The following CIT variants were observed in gnomAD, a reference collection of about 807,000 sequenced individuals.
CIT encodes the protein citron Rho-interacting kinase.
CIT carries 79 observed loss-of-function variants against 272.7 expected under a neutral mutation model. The observed-to-expected ratio is 0.29, with a 90% CI of 0.24 to 0.35. The LOEUF (loss-of-function observed/expected upper bound fraction) is 0.35, where lower values mean the gene tolerates loss of function less well. Ranked by LOEUF, CIT falls within the 10% of genes least tolerant of loss-of-function variation. The probability of loss-of-function intolerance (pLI) is 1.00; values close to 1 mark genes in which losing one functional copy is unlikely to be tolerated. For missense variants in CIT, 1,909 were observed against 2,618.3 expected, an observed-to-expected ratio of 0.73 and a Z score of 5.91; for synonymous variants, 948 against 995.6, an observed-to-expected ratio of 0.95 and a Z score of 0.90.
intron 24 of CIT, among the ~76,000 whole-genome samples, chr12:119,740,045 A>T (rs1224810227): frequency 6.6e-6 from 1 of 152,244 alleles, no homozygotes; most frequent in African/African-American, 2.4e-5. Context: ...TCTGAACTCT[A>T]TCTGATTCCA....
intron 17 of CIT, 122 bp from the exon 18 acceptor site, chr12:119,771,032 C>T (rs768956730): frequency 2.9e-4 from 330 of 1,133,766 alleles, no homozygotes; most frequent in Non-Finnish European, 4.0e-4. Flanking sequence ...GTCTCAGGCA[C>T]CCGAAGCAAC....
At chr12:119,749,063 G>A (rs1795324169) in intron 23 of CIT, among the ~76,000 whole-genome samples, 1 of 152,216 alleles carries the variant, frequency 6.6e-6, no homozygotes, top group East Asian at 1.9e-4. Flanking sequence ...TGAAAGTGGA[G>A]AAGAGGCAAG....
intron 7 of CIT, among the ~76,000 whole-genome samples, chr12:119,829,344 A>G (rs10523316): frequency 1.3e-4 from 17 of 133,340 alleles, no homozygotes; most frequent in African/African-American, 2.8e-4. Flanking sequence ...CTTGAAAGAA[A>G]AGAAGAGAAG....
chr12:119,715,248 C>T (rs907370342), intron 32 of CIT, among the ~76,000 whole-genome samples: 1 of 152,140 alleles, frequency 6.6e-6, no homozygotes, highest in Non-Finnish European at 1.5e-5. Context: ...ATAAATTACC[C>T]AGTCTTGGGC....
chr12:119,691,338 A>G (rs1955935160), intron 46 of CIT, among the ~76,000 whole-genome samples: 1 of 152,182 alleles, frequency 6.6e-6, no homozygotes, highest in Non-Finnish European at 1.5e-5. Flanking sequence ...CCTCAGTGCA[A>G]GGAAGCAGTT....
At position 119,714,328 on chromosome 12, in the gene CIT, C is replaced by G. The variant is rs778662725; in HGVS notation, c.4175G>C (p.Ser1392Thr). 1 of 1,613,840 alleles carries G rather than the reference C, an allele frequency of 6.2e-7. No individual in the cohort carries two copies. Among genetic ancestry groups the G allele is most frequent in the South Asian group, 1.1e-5 (1 of 91,020 alleles). ...GTGCATGCGTTCCTTAAGACGCCGACTAAATTCTGGAGGAAAATGTTTTAA... is the reference window on the plus strand; with the variant it reads ...GTGCATGCGTTCCTTAAGACGCCGAGTAAATTCTGGAGGAAAATGTTTTAA... ...RKESSTPEEFSRRLKERMHHN... is the reference protein window; with the variant it reads ...RKESSTPEEFTRRLKERMHHN... The change falls in exon 33 of 48, where the codon AGT (serine) becomes ACT (threonine). Residue 1392 changes from serine to threonine, a missense_variant. This residue lies in a region of CIT where 780 missense variants were observed against 1,067.2 expected (regional missense o/e 0.73). Coordinates refer to ENST00000392521, the MANE Select transcript of CIT (RefSeq NM_001206999.2).
At chr12:119,830,919 T>A (rs369686260) in intron 7 of CIT, among the ~76,000 whole-genome samples, 1 of 152,242 alleles carries the variant, frequency 6.6e-6, no homozygotes, top group East Asian at 1.9e-4. Flanking sequence ...CAGGCTGGAA[T>A]GCAATGGTGC....
At chr12:119,771,044 G>T in intron 17 of CIT, 134 bp from the exon 18 acceptor site, 2 of 1,015,874 alleles carry the variant, frequency 2.0e-6, no homozygotes, top group Non-Finnish European at 2.9e-6. Flanking sequence ...CGAAGCAACA[G>T]CAGAGAAAAT....
In CIT at chr12:119,784,277, C is replaced by T. The variant is rs1396189730; in HGVS notation, c.1402-226G>A. The T allele has an allele frequency of 5.1e-6, 8 of 1,561,038 alleles. No homozygotes were observed. In the Admixed American group the frequency reaches 1.2e-4, roughly 23 times the overall value. On this transcript the variant is annotated intron_variant, in intron 11 of 47. Coordinates refer to ENST00000392521, the MANE Select transcript of CIT (RefSeq NM_001206999.2). This position sits in a 1 kb window ranked among gnomAD's most constrained non-coding sequence, Gnocchi z 4.7. ...CTCCTCTCATTCAAGTCCCGGTTCACACTTGATCACTTCTCTAACCCAGTT... is the reference window on the plus strand; with the variant it reads ...CTCCTCTCATTCAAGTCCCGGTTCATACTTGATCACTTCTCTAACCCAGTT...
At chr12:119,700,034 G>A (rs1956467403) in intron 44 of CIT, 1 of 404,242 alleles carries the variant, frequency 2.5e-6, no homozygotes, top group East Asian at 7.2e-5. Flanking sequence ...TCGTAGTGTT[G>A]TTTACACTTA....
chr12:119,851,633 T>C (rs1970227182), intron 4 of CIT, among the ~76,000 whole-genome samples: 1 of 152,208 alleles, frequency 6.6e-6, no homozygotes, highest in African/African-American at 2.4e-5. Context: ...AGTATAAAAC[T>C]AGTGACAGAA....
chr12:119,863,566 T>G (rs1206115424), intron 3 of CIT, among the ~76,000 whole-genome samples: 1 of 152,060 alleles, frequency 6.6e-6, no homozygotes, highest in Non-Finnish European at 1.5e-5. Context: ...CTTACTCTGT[T>G]GCCAGGCTGG....
intron 4 of CIT, among the ~76,000 whole-genome samples, chr12:119,854,455 T>C (rs972666790): frequency 8.0e-5 from 12 of 150,506 alleles, no homozygotes; most frequent in African/African-American, 2.7e-4. Context: ...CTGGCCAACA[T>C]GGCAAAACCC....
At chr12:119,870,463 T>C (rs1594014995) in intron 2 of CIT, among the ~76,000 whole-genome samples, 1 of 147,186 alleles carries the variant, frequency 6.8e-6, no homozygotes, top group East Asian at 2.1e-4. Flanking sequence ...GGCATGAGAA[T>C]TGCCTGCACC....
At chr12:119,843,292 T>C (rs1486189451) in intron 5 of CIT, among the ~76,000 whole-genome samples, 1 of 152,128 alleles carries the variant, frequency 6.6e-6, no homozygotes, top group East Asian at 1.9e-4. Context: ...GCAGGGAGTC[T>C]TGAAGGGTTT....
intron 24 of CIT, among the ~76,000 whole-genome samples, chr12:119,738,286 C>T (rs1370512205): frequency 1.3e-5 from 2 of 152,020 alleles, no homozygotes; most frequent in Admixed American, 6.6e-5. Context: ...ATATATTGAC[C>T]ATTCAGGACA....
At chr12:119,831,762 G>A (rs543974176) in intron 7 of CIT, among the ~76,000 whole-genome samples, 2 of 152,204 alleles carry the variant, frequency 1.3e-5, no homozygotes, top group African/African-American at 2.4e-5. Flanking sequence ...CCAGCTACTC[G>A]GGAGGCTGAG....
intron 41 of CIT, among the ~76,000 whole-genome samples, chr12:119,703,860 C>T (rs575269913): frequency 7.0e-4 from 107 of 152,318 alleles, no homozygotes; most frequent in African/African-American, 2.5e-3. Flanking sequence ...ACACACATCT[C>T]GTCCATATTG....
At chr12:119,782,669 C>T (rs747407221) in intron 12 of CIT, 32 bp from the exon 13 acceptor site, 5 of 1,611,094 alleles carry the variant, frequency 3.1e-6, no homozygotes, top group Non-Finnish European at 4.2e-6. Flanking sequence ...ATAGGGATGC[C>T]CTGTGGATCC....
Sources: gnomAD v4.1 joint callset for allele counts (sites outside exome capture counted in the v4.1 genomes callset) on GRCh38, gnomAD v4.1.1 for gene constraint, gnomAD v4.1.1 regional missense constraint, Gnocchi (gnomAD v3.1) non-coding constraint, MANE v1.5 for transcripts, NCBI Gene and HGNC (gene_info 2026-07-23, HGNC 2026-07-21) for gene names.